The following PCBP2 variants were observed in gnomAD, a reference collection of about 807,000 sequenced individuals.
PCBP2 encodes poly(rC) binding protein 2.
In PCBP2, 4 loss-of-function variants were observed where a neutral mutation model predicts 50.1. The observed-to-expected ratio is 0.08, with a 90% CI of 0.04 to 0.18. The LOEUF (loss-of-function observed/expected upper bound fraction) is 0.18. Ranked by LOEUF, PCBP2 falls within the 10% of genes least tolerant of loss-of-function variation. The probability of loss-of-function intolerance (pLI) is 1.00; values close to 1 mark genes in which losing one functional copy is unlikely to be tolerated. For synonymous variants in PCBP2, 179 were observed against 168.0 expected (o/e 1.07, Z -0.51); for missense variants, 161 against 474.3 (o/e 0.34, Z 6.14).
chr12:53,455,383 CACTTCA>C lies in PCBP2; in HGVS notation c.93+21_93+26del, dbSNP rs771949991. ...TATCATCGGAAAGGTAAGACAATTT[CACTTCA>C]ACTTCAATTACCATTTAGTAATTCT... On this transcript the variant is annotated intron_variant, in intron 3 of 14. Coordinates refer to ENST00000546463, the MANE Select transcript of PCBP2 (RefSeq NM_031989.5). The C allele has an allele frequency of 1.9e-6, 3 of 1,614,022 alleles. No individual in the cohort carries two copies. Among genetic ancestry groups the C allele is most frequent in the South Asian group, 2.2e-5 (2 of 91,080 alleles).
chr12:53,462,785 T>TA lies in PCBP2; in HGVS notation c.579+219dup, dbSNP rs372676014. On this transcript the variant is annotated intron_variant, in intron 8 of 14. Transcript: ENST00000546463. ...TTGTAGGCACTCGGAAGAGGTAACTTACTTGTGGGTTGGGTTAGAATATAA... is the reference window on the plus strand; with the variant it reads ...TTGTAGGCACTCGGAAGAGGTAACTTAACTTGTGGGTTGGGTTAGAATATAA... Among the ~76,000 whole-genome samples, 33 of 152,288 alleles carry TA rather than the reference T, an allele frequency of 2.2e-4. 1 individual carries two copies. Among genetic ancestry groups the TA allele is most frequent in the African/African-American group, 7.7e-4 (32 of 41,552 alleles).
intron 13 of PCBP2, 62 bp downstream of exon 13, chr12:53,468,894 C>T (rs1463736787): frequency 1.8e-5 from 19 of 1,066,578 alleles, no homozygotes; most frequent in Admixed American, 3.6e-5. Flanking sequence ...AAATAGATGT[C>T]GTTTCAGCAG....
intron 10 of PCBP2, among the ~76,000 whole-genome samples, chr12:53,466,282 A>G (rs934429747): frequency 6.6e-6 from 1 of 152,212 alleles, no homozygotes; most frequent in South Asian, 2.1e-4. Flanking sequence ...CTCAGGGCAT[A>G]GTTTAAATTG....
chr12:53,456,033 T>C (rs1249441925), intron 5 of PCBP2, 32 bp downstream of exon 5: 1 of 1,261,828 alleles, frequency 7.9e-7, no homozygotes, highest in South Asian at 1.2e-5. Context: ...CATTCTTCAT[T>C]TTTAAGTGCT....
intron 14 of PCBP2, among the ~76,000 whole-genome samples, chr12:53,477,837 A>G (rs1185871065): frequency 6.6e-6 from 1 of 152,172 alleles, no homozygotes; most frequent in Non-Finnish European, 1.5e-5. Flanking sequence ...AGGGATACAG[A>G]TGGTGAATTA....
At chr12:53,476,945 C>T (rs892655854) in intron 14 of PCBP2, among the ~76,000 whole-genome samples, 1 of 152,186 alleles carries the variant, frequency 6.6e-6, no homozygotes, top group Non-Finnish European at 1.5e-5. Flanking sequence ...GGCCTCTTAA[C>T]CTAATGGCTA....
intron 6 of PCBP2, chr12:53,459,904 G>A (rs1013090044): frequency 3.1e-5 from 14 of 452,858 alleles, no homozygotes; most frequent in Non-Finnish European, 4.9e-5. Flanking sequence ...GGGACTGCAG[G>A]CTCCCACCAC....
At chr12:53,472,011 G>GT (rs1031431797) in intron 14 of PCBP2, among the ~76,000 whole-genome samples, 11 of 148,538 alleles carry the variant, frequency 7.4e-5, no homozygotes, top group Non-Finnish European at 1.3e-4. Context: ...TGGTGGGGGG[G>GT]GGAGCACAGA....
intron 4 of PCBP2, 105 bp downstream of exon 4, chr12:53,455,598 T>C (rs1940944884): frequency 7.4e-6 from 9 of 1,212,802 alleles, no homozygotes; most frequent in South Asian, 2.6e-5. Context: ...AAGGGAAATA[T>C]GTATTTTTTT....
rs555180401 is a variant in PCBP2 at position 53,476,895 on chromosome 12, T to C, written c.1053-2511T>C. On this transcript the variant is annotated intron_variant, in intron 14 of 14. Coordinates refer to ENST00000546463, the MANE Select transcript of PCBP2 (RefSeq NM_031989.5). ...AGGACTTAATCATGCTGATACCATC[T>C]CCCCCCAGGGATGTGGTTTTATCTA... Among the ~76,000 whole-genome samples, 616 of 152,176 alleles carry C rather than the reference T, an allele frequency of 4.0e-3. 3 individuals are homozygous for C. The highest frequency in any genetic ancestry group is 0.014 in the African/African-American group (591 of 41,498).
chr12:53,477,749 A>G (rs377599701), intron 14 of PCBP2, among the ~76,000 whole-genome samples: 2 of 151,764 alleles, frequency 1.3e-5, no homozygotes, highest in East Asian at 3.9e-4. Context: ...CTAAAAGTAA[A>G]TAGTTTGTAG....
intron 6 of PCBP2, 138 bp downstream of exon 6, chr12:53,459,541 C>T (rs931957960): frequency 3.3e-6 from 2 of 600,062 alleles, no homozygotes; most frequent in Middle Eastern, 5.8e-4. Context: ...TGTGATTGTA[C>T]TGAAAATAAA....
intron 6 of PCBP2, 29 bp from the exon 7 acceptor site, chr12:53,460,986 C>T (rs1023713133): frequency 3.1e-6 from 5 of 1,610,480 alleles, no homozygotes; most frequent in Non-Finnish European, 4.2e-6. Flanking sequence ...CTGTTTTTCT[C>T]TGATTTTGAA....
intron 14 of PCBP2, among the ~76,000 whole-genome samples, chr12:53,472,691 G>A (rs914048227): frequency 3.3e-5 from 5 of 152,180 alleles, no homozygotes; most frequent in African/African-American, 1.2e-4. Flanking sequence ...CCTGAATCTA[G>A]TACAGGGGAA....
intron 12 of PCBP2, 61 bp from the exon 13 acceptor site, chr12:53,468,716 G>A: frequency 8.2e-7 from 1 of 1,214,508 alleles, no homozygotes; most frequent in Non-Finnish European, 1.2e-6. Flanking sequence ...AGTTTAATGT[G>A]CAAGTCAGTG....
intron 9 of PCBP2, 48 bp downstream of exon 9, chr12:53,464,900 C>T (rs1181629028): frequency 6.5e-6 from 10 of 1,546,148 alleles, no homozygotes; most frequent in Middle Eastern, 1.7e-4. Context: ...CCTTCCGCCT[C>T]AGCCGAGACT....
intron 7 of PCBP2, 159 bp from the exon 8 acceptor site, chr12:53,462,334 T>C (rs1941506939): frequency 1.9e-6 from 1 of 513,582 alleles, no homozygotes; most frequent in African/African-American, 1.9e-5. Context: ...TAACTTTCAG[T>C]AGATAAATTG....
chr12:53,469,729 A>G (rs1341602718), intron 13 of PCBP2, among the ~76,000 whole-genome samples: 9 of 151,864 alleles, frequency 5.9e-5, no homozygotes, highest in South Asian at 2.1e-4. Context: ...CTCCATTTCA[A>G]AAAAGGAAAG....
chr12:53,452,614 C>A (rs547494366), intron 1 of PCBP2, among the ~76,000 whole-genome samples: 1 of 151,234 alleles, frequency 6.6e-6, no homozygotes, highest in African/African-American at 2.4e-5. Context: ...GTGGCGGCTG[C>A]GCAGGAGTCA....
Sources: gnomAD v4.1 joint callset for allele counts (sites outside exome capture counted in the v4.1 genomes callset) on GRCh38, gnomAD v4.1.1 for gene constraint, MANE v1.5 for transcripts, NCBI Gene and HGNC (gene_info 2026-07-23, HGNC 2026-07-21) for gene names.